Variants in SLC14A2 observed in about 807,000 individuals in gnomAD.
The protein encoded by SLC14A2 is solute carrier family 14 member 2.
Under a neutral mutation model 104.6 loss-of-function variants are expected in SLC14A2, and 91 were observed. The observed-to-expected ratio is 0.87, with a 90% CI of 0.73 to 1.04. The LOEUF (loss-of-function observed/expected upper bound fraction) is 1.04. SLC14A2 is among the 50% of genes least tolerant of loss of function. The pLI, the probability that SLC14A2 is intolerant of heterozygous loss-of-function variation, is 0.00. For missense variants in SLC14A2, 1,189 were observed against 1,156.0 expected (o/e 1.03, Z -0.41); for synonymous variants, 476 against 466.4 (o/e 1.02, Z -0.27).
At chr18:45,289,670 C>T (rs757970372) in intron 1 of SLC14A2, among the ~76,000 whole-genome samples, 2 of 152,152 alleles carry the variant, frequency 1.3e-5, no homozygotes, top group African/African-American at 2.4e-5. Flanking sequence ...CCTTGTCTAT[C>T]CCAAGCATGT....
chr18:45,212,300 A>G (rs972483984), upstream of SLC14A2, among the ~76,000 whole-genome samples: 1 of 152,216 alleles, frequency 6.6e-6, no homozygotes, highest in African/African-American at 2.4e-5. Context: ...TAGCAAGTCA[A>G]TGTGGTATGA....
chr18:45,413,221 G>A (rs2086233592), intron 1 of SLC14A2, among the ~76,000 whole-genome samples: 1 of 152,206 alleles, frequency 6.6e-6, no homozygotes, highest in Admixed American at 6.5e-5. Flanking sequence ...GATCTACAGA[G>A]AAAGGGCATC....
rs200093507 is a variant in SLC14A2, at chr18:45,282,392, T to A, written c.-125+69201T>A. 9.8e-5 allele frequency among the ~76,000 whole-genome samples: 15 copies of A among 152,328 alleles called. No homozygotes were observed. The East Asian group carries it at 2.7e-3, about 27-fold the overall frequency. ...GGAGTTATTCTAAGAATTGGGGGAC[T>A]GTCCCTGATCTATGATGGGCTCAGC... On this transcript the variant is annotated intron_variant, in intron 1 of 20. Transcript: ENST00000586448.
At chr18:45,646,135 G>A (rs76752500) in intron 10 of SLC14A2, 4,893 of 152,262 alleles carry the variant, frequency 0.032, 126 homozygotes, top group Middle Eastern at 0.058. Flanking sequence ...ACATTGTCTG[G>A]GAACTATTTC....
At chr18:45,604,633 C>G (rs1239595290) in intron 2 of SLC14A2, among the ~76,000 whole-genome samples, 1 of 152,226 alleles carries the variant, frequency 6.6e-6, no homozygotes, top group East Asian at 1.9e-4. Flanking sequence ...CTCCAAATTT[C>G]TTTACTGTGC....
intron 1 of SLC14A2, among the ~76,000 whole-genome samples, chr18:45,619,532 C>G (rs185410326): frequency 1.3e-5 from 2 of 152,174 alleles, no homozygotes; most frequent in South Asian, 2.1e-4. Flanking sequence ...TTTGGAGAGA[C>G]GTGGGACTGA....
chr18:45,567,669 C>CTGCGT (rs989662226), intron 2 of SLC14A2, among the ~76,000 whole-genome samples: 41 of 152,296 alleles, frequency 2.7e-4, no homozygotes, highest in African/African-American at 9.6e-4. Context: ...TTTAGCTGTC[C>CTGCGT]TGCGTCAAGC....
rs900590593 is a variant in SLC14A2, at chr18:45,507,569, G to T, written c.-35+24247G>T. Among the ~76,000 whole-genome samples the T allele has an allele frequency of 1.9e-4, 29 of 152,222 alleles. 1 individual carries two copies. The highest frequency in any genetic ancestry group is 6.5e-4 in the African/African-American group (27 of 41,466). ...TGCAGTCCTGGGCACTAAAGAATCT[G>T]TGGGGACACAGACTCTGTCCTCAGT... is the stretch of plus-strand genomic sequence containing the variant. On this transcript the variant is annotated intron_variant, in intron 2 of 20. Transcript: ENST00000586448.
intron 2 of SLC14A2, among the ~76,000 whole-genome samples, chr18:45,588,208 G>A (rs1021072178): frequency 6.6e-6 from 1 of 152,162 alleles, no homozygotes; most frequent in African/African-American, 2.4e-5. Flanking sequence ...AAAATAGAAG[G>A]AACTGGCTGG....
chr18:45,185,624 G>T, the SLC14A2 span, among the ~76,000 whole-genome samples: 8 of 152,042 alleles, frequency 5.3e-5, no homozygotes, highest in African/African-American at 1.9e-4. Context: ...ATTCAACATT[G>T]TCCTAAAAGT....
chr18:45,541,987 A>G (rs1412967411), intron 2 of SLC14A2, among the ~76,000 whole-genome samples: 1 of 143,490 alleles, frequency 7.0e-6, no homozygotes, highest in Non-Finnish European at 1.5e-5. Flanking sequence ...TTTGACAGCC[A>G]TTACAAGGAG....
rs555961828 is a variant in SLC14A2 at position 45,293,438 on chromosome 18, T to G, written c.-125+80247T>G. ...GAAGACATATATTAAAATATATATA[T>G]GCAATTATAAGAACCAGAGACAATG... On this transcript the variant is annotated intron_variant, in intron 1 of 20. Coordinates refer to the SLC14A2 transcript ENST00000586448. Among the ~76,000 whole-genome samples, 5 of 152,090 alleles carry G rather than the reference T, an allele frequency of 3.3e-5. No homozygotes were observed. The South Asian group carries it at 1.0e-3, about 32-fold the overall frequency.
At chr18:45,462,983 CTTTTTGTT>C (rs1435528500) in intron 1 of SLC14A2, among the ~76,000 whole-genome samples, 5 of 152,258 alleles carry the variant, frequency 3.3e-5, no homozygotes, top group Non-Finnish European at 5.9e-5. Context: ...TGTATGTTAA[CTTTTTGTT>C]TCCCTCGGAG....
intron 1 of SLC14A2, among the ~76,000 whole-genome samples, chr18:45,386,204 C>A (rs1012233671): frequency 1.3e-5 from 2 of 152,118 alleles, no homozygotes; most frequent in African/African-American, 4.8e-5. Context: ...ATCTGTCTAG[C>A]TGGAGTTGGT....
chr18:45,449,044 C>T (rs1224762940), intron 1 of SLC14A2, among the ~76,000 whole-genome samples: 3 of 152,116 alleles, frequency 2.0e-5, no homozygotes, highest in African/African-American at 7.2e-5. Context: ...GTGGCCATCC[C>T]AAAGGGCATT....
intron 1 of SLC14A2, among the ~76,000 whole-genome samples, chr18:45,361,187 G>A (rs1203969860): frequency 6.6e-6 from 1 of 152,130 alleles, no homozygotes. Flanking sequence ...ACCCTGGATT[G>A]TAGTCATCAT....
intron 1 of SLC14A2, among the ~76,000 whole-genome samples, chr18:45,258,103 C>T (rs763310671): frequency 1.3e-5 from 2 of 152,172 alleles, no homozygotes; most frequent in Non-Finnish European, 2.9e-5. Context: ...ATCCTATGAG[C>T]GAGCTACAGT....
intron 1 of SLC14A2, among the ~76,000 whole-genome samples, chr18:45,481,741 G>T (rs1051322684): frequency 6.6e-6 from 1 of 152,130 alleles, no homozygotes; most frequent in Non-Finnish European, 1.5e-5. Context: ...AGAAATTGTT[G>T]TTTTCCCTTT....
At chr18:45,402,144 A>AC (rs2086103071) in intron 1 of SLC14A2, among the ~76,000 whole-genome samples, 6 of 152,164 alleles carry the variant, frequency 3.9e-5, no homozygotes, top group African/African-American at 1.2e-4. Context: ...TGGAGGTCTT[A>AC]ATAGAGAACT....
Sources: allele counts gnomAD v4.1 joint callset (sites outside exome capture counted in the v4.1 genomes callset), GRCh38; gene constraint gnomAD v4.1.1; transcripts MANE v1.5; gene names NCBI Gene and HGNC (gene_info 2026-07-23, HGNC 2026-07-21).